ROBO2: variants seen among roughly 807,000 people sequenced by gnomAD.
The protein encoded by ROBO2 is roundabout homolog 2.
In ROBO2, 53 loss-of-function variants were observed where a neutral mutation model predicts 160.8. The observed-to-expected ratio is 0.33, with a 90% CI of 0.26 to 0.41. The LOEUF (loss-of-function observed/expected upper bound fraction) is 0.41, where lower values mean the gene tolerates loss of function less well. ROBO2 is among the 10% of genes least tolerant of loss of function. The pLI, the probability that ROBO2 is intolerant of heterozygous loss-of-function variation, is 1.00. For missense variants in ROBO2, 1,577 were observed against 1,722.4 expected, an observed-to-expected ratio of 0.92 and a Z score of 1.49; for synonymous variants, 664 against 611.7, an observed-to-expected ratio of 1.09 and a Z score of -1.26.
At chr3:76,977,481 A>C (rs2059870130) in intron 2 of ROBO2, among the ~76,000 whole-genome samples, 1 of 152,122 alleles carries the variant, frequency 6.6e-6, no homozygotes, top group Admixed American at 6.5e-5. Flanking sequence ...GGAAAACAAT[A>C]CTAACATGGG....
At chr3:76,773,890 A>G (rs1270666864) in intron 2 of ROBO2, among the ~76,000 whole-genome samples, 1 of 150,886 alleles carries the variant, frequency 6.6e-6, no homozygotes, top group Non-Finnish European at 1.5e-5. Context: ...GACCTTAATA[A>G]CATGAGCTAT....
intron 2 of ROBO2, among the ~76,000 whole-genome samples, chr3:76,466,437 A>G (rs1432945648): frequency 6.6e-6 from 1 of 152,024 alleles, no homozygotes; most frequent in Non-Finnish European, 1.5e-5. Flanking sequence ...AGCAAGATCA[A>G]GCATACTATT....
chr3:76,430,181 A>G (rs2076380518), intron 2 of ROBO2, among the ~76,000 whole-genome samples: 1 of 152,134 alleles, frequency 6.6e-6, no homozygotes, highest in South Asian at 2.1e-4. Flanking sequence ...AATACCTTCT[A>G]TGTTTCTTTT....
At chr3:77,576,388 C>T (rs2093764646) in intron 14 of ROBO2, among the ~76,000 whole-genome samples, 1 of 152,010 alleles carries the variant, frequency 6.6e-6, no homozygotes, top group South Asian at 2.1e-4. Flanking sequence ...AAAAACTAAA[C>T]CATGTAGAGC....
chr3:75,996,338 T>C (rs2065724986), intron 2 of ROBO2, among the ~76,000 whole-genome samples: 1 of 152,160 alleles, frequency 6.6e-6, no homozygotes, highest in Admixed American at 6.6e-5. Context: ...CTCTCATGGT[T>C]TCATAAGCGT....
intron 17 of ROBO2, among the ~76,000 whole-genome samples, chr3:77,591,908 C>A (rs775808955): frequency 6.6e-5 from 10 of 152,152 alleles, no homozygotes; most frequent in Non-Finnish European, 1.3e-4. Context: ...CACAGACACA[C>A]AAAATGCTGA....
At chr3:76,804,768 C>G (rs980936790) in intron 2 of ROBO2, among the ~76,000 whole-genome samples, 1 of 152,144 alleles carries the variant, frequency 6.6e-6, no homozygotes, top group Non-Finnish European at 1.5e-5. Flanking sequence ...TTACTGAGTA[C>G]TAACTATGAG....
intron 2 of ROBO2, among the ~76,000 whole-genome samples, chr3:76,813,522 A>G (rs1350720135): frequency 6.6e-6 from 1 of 152,164 alleles, no homozygotes; most frequent in African/African-American, 2.4e-5. Flanking sequence ...CTTAAAAATG[A>G]TAAGTGACAA....
intron 9 of ROBO2, among the ~76,000 whole-genome samples, chr3:77,561,056 G>T (rs143902882): frequency 6.5e-4 from 99 of 152,212 alleles, no homozygotes; most frequent in African/African-American, 2.3e-3. Flanking sequence ...TGTAATAGAA[G>T]ACAATTGTAC....
intron 2 of ROBO2, among the ~76,000 whole-genome samples, chr3:76,167,172 C>A (rs2072868902): frequency 6.6e-6 from 1 of 152,066 alleles, no homozygotes; most frequent in Non-Finnish European, 1.5e-5. Context: ...AACTCCTGAC[C>A]TCATGTGATC....
intron 2 of ROBO2, among the ~76,000 whole-genome samples, chr3:76,743,468 A>G (rs1288232947): frequency 6.6e-6 from 1 of 152,296 alleles, no homozygotes; most frequent in African/African-American, 2.4e-5. Flanking sequence ...TTTTTAAAAA[A>G]AGAGTACTGT....
At chr3:77,394,342 T>G (rs1250626566) in intron 2 of ROBO2, among the ~76,000 whole-genome samples, 1 of 152,042 alleles carries the variant, frequency 6.6e-6, no homozygotes, top group African/African-American at 2.4e-5. Flanking sequence ...GCTGGTCGCC[T>G]CCCTATTCTT....
intron 2 of ROBO2, among the ~76,000 whole-genome samples, chr3:76,468,746 CTT>C (rs1027972976): frequency 6.6e-6 from 1 of 152,086 alleles, no homozygotes; most frequent in Non-Finnish European, 1.5e-5. Context: ...TGTCCTCTCT[CTT>C]CAGGATATAT....
intron 4 of ROBO2, among the ~76,000 whole-genome samples, chr3:77,488,229 A>G (rs1029386922): frequency 6.6e-6 from 1 of 152,202 alleles, no homozygotes; most frequent in African/African-American, 2.4e-5. Context: ...AAGAGAGATT[A>G]ACCTTGTAAG....
intron 2 of ROBO2, among the ~76,000 whole-genome samples, chr3:76,961,266 A>AC (rs1260331175): frequency 2.7e-4 from 41 of 151,900 alleles, no homozygotes; most frequent in African/African-American, 9.4e-4. Flanking sequence ...AAAAAAAAAA[A>AC]AACACTAGTT....
At chr3:76,437,354 T>A (rs1368226913) in intron 2 of ROBO2, among the ~76,000 whole-genome samples, 1 of 152,156 alleles carries the variant, frequency 6.6e-6, no homozygotes. Context: ...TTCCTATACT[T>A]GAAAAAACCA....
intron 2 of ROBO2, among the ~76,000 whole-genome samples, chr3:76,903,603 T>C (rs1379481588): frequency 6.6e-6 from 1 of 152,134 alleles, no homozygotes; most frequent in Non-Finnish European, 1.5e-5. Context: ...TTTTCTCTCC[T>C]TCCTCTCACA....
At position 76,989,556 on chromosome 3, in the gene ROBO2, C is replaced by T. The variant is rs145378666; in HGVS notation, c.110-108458C>T. ...AGATGAAATATTTGTAACTAACCGC[C>T]GGGTTCTTAGGATGACATTTGAAAA... is the stretch of plus-strand genomic sequence containing the variant. On this transcript the variant is annotated intron_variant, in intron 2 of 26. Transcript: ENST00000487694. 4.9e-3 allele frequency among the ~76,000 whole-genome samples: 738 copies of T among 151,764 alleles called. 4 individuals carry two copies. The highest frequency in any genetic ancestry group is 0.01 in the Middle Eastern group (3 of 292).
At chr3:76,979,252 G>T (rs2059968639) in intron 2 of ROBO2, among the ~76,000 whole-genome samples, 1 of 151,860 alleles carries the variant, frequency 6.6e-6, no homozygotes, top group African/African-American at 2.4e-5. Flanking sequence ...CCCAAGTGTA[G>T]TTTTTTTTAC....
Sources: allele counts gnomAD v4.1 joint callset (sites outside exome capture counted in the v4.1 genomes callset), GRCh38; gene constraint gnomAD v4.1.1; transcripts MANE v1.5; gene names NCBI Gene and HGNC (gene_info 2026-07-23, HGNC 2026-07-21).